The following WDPCP variants were observed in gnomAD, a reference collection of about 807,000 sequenced individuals.
The protein encoded by WDPCP is WD repeat-containing and planar cell polarity effector protein fritz homolog.
Under a neutral mutation model 93.1 loss-of-function variants are expected in WDPCP, and 71 were observed. The ratio of observed to expected loss-of-function variants is 0.76; its 90% CI spans 0.63 to 0.93. The LOEUF is 0.93. Among genes scored for constraint, WDPCP ranks in the 40% least tolerant of loss-of-function variants. WDPCP has a pLI of 0.00. For synonymous variants in WDPCP, 315 were observed against 315.0 expected (o/e 1.00, Z 0.00); for missense variants, 844 against 887.4 (o/e 0.95, Z 0.62).
intron 1 of WDPCP, among the ~76,000 whole-genome samples, chr2:63,530,318 G>C (rs989827086): frequency 6.6e-6 from 1 of 152,152 alleles, no homozygotes; most frequent in African/African-American, 2.4e-5. Context: ...GATCTTTCCT[G>C]CTTTCTCTTG....
intron 17 of WDPCP, among the ~76,000 whole-genome samples, chr2:63,149,755 T>C (rs1299739994): frequency 6.6e-6 from 1 of 152,158 alleles, no homozygotes; most frequent in Non-Finnish European, 1.5e-5. Flanking sequence ...ATGTTTCCAC[T>C]TATATAAAGT....
In WDPCP at chr2:63,545,760, C is replaced by G. The variant is rs1482146278; in HGVS notation, c.75+42437G>C. The stretch of plus-strand genomic sequence containing the variant: ...GTATTCTCTAGAGGCTGAAGGTACA[C>G]AAGAATATGACACACCTCCTTGGCA... On this transcript the variant is annotated intron_variant, in intron 1 of 17. Transcript: ENST00000272321. 2.0e-5 allele frequency among the ~76,000 whole-genome samples: 3 copies of G among 150,356 alleles called. No individual in the cohort carries two copies. The East Asian group carries it at 5.9e-4, about 30-fold the overall frequency.
At position 63,484,643 on chromosome 2, in the gene WDPCP, C is replaced by T; in HGVS notation, c.345G>A (p.Arg115=). Reference sequence around the variant, plus strand: ...TGTTCTTCCATTTGCTCAGCACACACCGACTGTTTTGCATCAGCTCCTGAA... The same window carrying T: ...TGTTCTTCCATTTGCTCAGCACACATCGACTGTTTTGCATCAGCTCCTGAA... The part of the protein sequence containing the change: ...KELEELMQNS[R]CVLSKWKNKY... Residue 115 remains arginine (R), a synonymous_variant, in exon 6 of 18, where the codon CGG becomes CGA. Coordinates refer to ENST00000272321, the MANE Select transcript of WDPCP (RefSeq NM_015910.7). 1 of 1,612,908 alleles carries T rather than the reference C, an allele frequency of 6.2e-7. No individual in the cohort carries two copies. Among genetic ancestry groups the T allele is most frequent in the Non-Finnish European group, 8.5e-7 (1 of 1,179,252 alleles).
chr2:63,338,902 T>A (rs1163829137), intron 12 of WDPCP, among the ~76,000 whole-genome samples: 1 of 151,932 alleles, frequency 6.6e-6, no homozygotes. Context: ...GTTTTTTTTC[T>A]ATTTTTGTGA....
chr2:63,168,569 G>A (rs533201129), intron 15 of WDPCP: 1 of 152,052 alleles, frequency 6.6e-6, no homozygotes, highest in Non-Finnish European at 1.5e-5. Flanking sequence ...ATAATTTTGT[G>A]AATTTTGATA....
rs529451821 is a variant in WDPCP, at chr2:63,385,292, A to G, written c.1436-3198T>C. ...TATTGTACCAGATGTCCTAGCTGTA[A>G]GAAGTGAAGAGAATAAAATAAAAAG... is the stretch of plus-strand genomic sequence containing the variant. On this transcript the variant is annotated intron_variant, in intron 10 of 17. Coordinates refer to ENST00000272321, the MANE Select transcript of WDPCP (RefSeq NM_015910.7). Among the ~76,000 whole-genome samples, 5 of 152,200 alleles carry G rather than the reference A, an allele frequency of 3.3e-5. No individual in the cohort carries two copies. In the South Asian group the frequency reaches 1.0e-3, roughly 32 times the overall value.
chr2:63,706,600 CTTTTTTTTTTT>C lies in WDPCP; in HGVS notation n.309-55773_309-55763del, dbSNP rs896018299. On this transcript the variant is annotated intron_variant and non_coding_transcript_variant, in intron 2 of 4. Transcript: ENST00000467687. ...GAAATTCTGGGTTGAAAATTCTTTT[CTTTTTTTTTTT>C]TTTTTTTTTTTTTTTTGAGACGGAG... Among the ~76,000 whole-genome samples the C allele has an allele frequency of 4.5e-4, 28 of 61,696 alleles. No homozygotes were observed. In the South Asian group the frequency reaches 9.4e-3, roughly 21 times the overall value. The allele number at this position is 61,696 out of a possible 152,430, so 40.5% of individuals were successfully genotyped here. A position where few individuals can be genotyped will look rare whatever the true frequency, so the allele number is the denominator to read the frequency against.
chr2:63,721,928 G>C (rs894096866), intron 2 of WDPCP, among the ~76,000 whole-genome samples: 1 of 152,138 alleles, frequency 6.6e-6, no homozygotes, highest in Non-Finnish European at 1.5e-5. Context: ...ATGGGGTTTC[G>C]CTGTGTTGGC....
At chr2:63,341,019 T>C (rs1022351432) in intron 12 of WDPCP, among the ~76,000 whole-genome samples, 4 of 152,200 alleles carry the variant, frequency 2.6e-5, no homozygotes, top group South Asian at 2.1e-4. Flanking sequence ...TAAGAGTCTT[T>C]TGTTTAATTT....
chr2:63,731,841 G>C (rs891069946), intron 2 of WDPCP, among the ~76,000 whole-genome samples: 1 of 152,134 alleles, frequency 6.6e-6, no homozygotes, highest in African/African-American at 2.4e-5. Context: ...CAAGGGACTG[G>C]ATAGAGAAAG....
At chr2:63,670,383 T>G (rs553679402) in intron 2 of WDPCP, among the ~76,000 whole-genome samples, 8 of 152,276 alleles carry the variant, frequency 5.3e-5, no homozygotes, top group African/African-American at 1.9e-4. Context: ...AGAATCTATA[T>G]GAATCTTGAA....
At chr2:63,276,169 A>G (rs1197900014) in intron 13 of WDPCP, among the ~76,000 whole-genome samples, 1 of 152,168 alleles carries the variant, frequency 6.6e-6, no homozygotes, top group Non-Finnish European at 1.5e-5. Flanking sequence ...CCCCATCCCT[A>G]GGGGAAAGGT....
In WDPCP at chr2:63,767,607, TTTATGTGC is replaced by T. The variant is rs968850547; in HGVS notation, n.308+46007_308+46014del. On this transcript the variant is annotated intron_variant and non_coding_transcript_variant, in intron 2 of 4. Coordinates refer to the WDPCP transcript ENST00000467687. The stretch of plus-strand genomic sequence containing the variant: ...AATGATCAATGATGATGAACATCTT[TTTATGTGC>T]TTATTTGCCATCTGAATATCTTCTT... Among the ~76,000 whole-genome samples, 33 of 152,276 alleles carry T rather than the reference TTTATGTGC, an allele frequency of 2.2e-4. 1 individual carries two copies. Among genetic ancestry groups the T allele is most frequent in the South Asian group, 8.3e-4 (4 of 4,832 alleles).
At chr2:63,333,430 A>G (rs1688124688) in intron 12 of WDPCP, among the ~76,000 whole-genome samples, 2 of 152,180 alleles carry the variant, frequency 1.3e-5, no homozygotes, top group Non-Finnish European at 2.9e-5. Flanking sequence ...CAGATCCAGG[A>G]GATAATCAAC....
intron 1 of WDPCP, among the ~76,000 whole-genome samples, chr2:63,578,191 T>C (rs946415974): frequency 6.6e-6 from 1 of 152,206 alleles, no homozygotes; most frequent in South Asian, 2.1e-4. Flanking sequence ...TAGTGAATAA[T>C]ACAAGGTATC....
intron 15 of WDPCP, among the ~76,000 whole-genome samples, chr2:63,170,033 C>T (rs1673269230): frequency 6.6e-6 from 1 of 151,598 alleles, no homozygotes; most frequent in African/African-American, 2.4e-5. Flanking sequence ...GCTGGGACTG[C>T]AGGCGTGGAC....
intron 10 of WDPCP, among the ~76,000 whole-genome samples, chr2:63,396,973 G>A (rs957160589): frequency 6.6e-6 from 1 of 152,104 alleles, no homozygotes; most frequent in Non-Finnish European, 1.5e-5. Flanking sequence ...CTCCATCCAT[G>A]TTCCCACAAA....
chr2:63,735,907 A>T (rs1669632673), intron 2 of WDPCP, among the ~76,000 whole-genome samples: 1 of 152,244 alleles, frequency 6.6e-6, no homozygotes, highest in Non-Finnish European at 1.5e-5. Context: ...CTCTCTGTTA[A>T]AAAAGAAACT....
chr2:63,301,216 G>A (rs1364477220), intron 13 of WDPCP, among the ~76,000 whole-genome samples: 1 of 152,158 alleles, frequency 6.6e-6, no homozygotes, highest in Admixed American at 6.5e-5. Context: ...TTTGGTAAAC[G>A]GGAAAATTCT....
Sources: gnomAD v4.1 joint callset for allele counts (sites outside exome capture counted in the v4.1 genomes callset) on GRCh38, gnomAD v4.1.1 for gene constraint, MANE v1.5 for transcripts, NCBI Gene and HGNC (gene_info 2026-07-23, HGNC 2026-07-21) for gene names.